The following LRP1B variants were observed in gnomAD, a reference collection of about 807,000 sequenced individuals.
The protein encoded by LRP1B is low-density lipoprotein receptor-related protein 1B.
A neutral mutation model predicts 556.6 loss-of-function variants in LRP1B; 217 were observed. The observed-to-expected ratio is 0.39, with a 90% CI of 0.35 to 0.44. LRP1B has a LOEUF of 0.44. Among genes scored for constraint, LRP1B ranks in the 20% least tolerant of loss-of-function variants. The pLI is 1.00. For synonymous variants in LRP1B, 2,047 were observed against 1,865.8 expected (o/e 1.10, Z -2.50); for missense variants, 5,053 against 5,620.8 (o/e 0.90, Z 3.23).
chr2:141,091,783 G>T (rs537950957), intron 7 of LRP1B, among the ~76,000 whole-genome samples: 33 of 152,298 alleles, frequency 2.2e-4, no homozygotes, highest in Non-Finnish European at 4.1e-4. Flanking sequence ...ACAAATGTCA[G>T]ACAATAAACA....
At chr2:140,503,266 G>A (rs1233706125) in intron 53 of LRP1B, among the ~76,000 whole-genome samples, 163 bp from the exon 54 acceptor site, 1 of 152,042 alleles carries the variant, frequency 6.6e-6, no homozygotes, top group Non-Finnish European at 1.5e-5. Flanking sequence ...TGCAAGAGAT[G>A]TTTGTGGTTT....
At chr2:140,261,383 A>G (rs1424748460) in intron 86 of LRP1B, among the ~76,000 whole-genome samples, 2 of 152,024 alleles carry the variant, frequency 1.3e-5, no homozygotes, top group Non-Finnish European at 2.9e-5. Context: ...TAACTTGCCC[A>G]AAGAGACAGT....
intron 86 of LRP1B, among the ~76,000 whole-genome samples, chr2:140,263,799 T>C (rs1044100120): frequency 1.1e-5 from 1 of 89,328 alleles, no homozygotes. Context: ...TTCAAAGTAA[T>C]TGAGGCCTTT....
intron 1 of LRP1B, among the ~76,000 whole-genome samples, chr2:141,861,125 C>T (rs1400525443): frequency 2.6e-5 from 4 of 152,164 alleles, no homozygotes; most frequent in Middle Eastern, 3.4e-3. Flanking sequence ...AAACTAGAAA[C>T]TTTTTTCTCC....
At chr2:141,090,117 T>C (rs1001451693) in intron 7 of LRP1B, among the ~76,000 whole-genome samples, 14 of 152,186 alleles carry the variant, frequency 9.2e-5, no homozygotes, top group African/African-American at 2.9e-4. Flanking sequence ...ATTTGTAATG[T>C]TGGCCAAGAA....
In LRP1B at chr2:141,055,096, G is replaced by A. The variant is rs553828404; in HGVS notation, c.1552+20C>T. 1.2e-6 allele frequency: 2 copies of A among 1,610,602 alleles called. No individual in the cohort carries two copies. The highest frequency in any genetic ancestry group is 1.7e-6 in the Non-Finnish European group (2 of 1,178,154). Reference sequence around the variant, plus strand: ...TCTAAAGGGGTAGCTGCTGGCAAATGTTTTATTTTAACAACATACTTTTGC... The same window carrying A: ...TCTAAAGGGGTAGCTGCTGGCAAATATTTTATTTTAACAACATACTTTTGC... On this transcript the variant is annotated intron_variant, in intron 10 of 90. Coordinates refer to ENST00000389484, the MANE Select transcript of LRP1B (RefSeq NM_018557.3).
intron 1 of LRP1B, among the ~76,000 whole-genome samples, chr2:142,025,812 T>C (rs1703483938): frequency 6.6e-6 from 1 of 152,150 alleles, no homozygotes; most frequent in Non-Finnish European, 1.5e-5. Context: ...CTAAATAGGA[T>C]AAAGCTTTAT....
chr2:141,998,465 C>T lies in LRP1B; in HGVS notation c.82+132183G>A, dbSNP rs552955516. On this transcript the variant is annotated intron_variant, in intron 1 of 90. Transcript: ENST00000389484. ...AAAATCATTATCAATTTAAGTTCTC[C>T]GGTTGATTAAGAATCTTAAAAGAGG... 3.1e-4 allele frequency among the ~76,000 whole-genome samples: 47 copies of T among 151,870 alleles called. 1 individual carries two copies. Among genetic ancestry groups the T allele is most frequent in the South Asian group, 6.3e-4 (3 of 4,798 alleles).
chr2:141,434,356 G>A (rs991656084), intron 3 of LRP1B, among the ~76,000 whole-genome samples: 1 of 151,930 alleles, frequency 6.6e-6, no homozygotes, highest in Non-Finnish European at 1.5e-5. Context: ...TTTTCTGCCA[G>A]CTCAAATCTA....
chr2:140,618,678 T>C (rs1190289223), intron 41 of LRP1B, among the ~76,000 whole-genome samples: 1 of 152,130 alleles, frequency 6.6e-6, no homozygotes, highest in African/African-American at 2.4e-5. Context: ...AGCAGTTTAT[T>C]TTCTAAACAA....
intron 2 of LRP1B, among the ~76,000 whole-genome samples, chr2:141,754,298 TAAC>T (rs996972424): frequency 2.0e-5 from 3 of 152,124 alleles, no homozygotes; most frequent in African/African-American, 7.2e-5. Context: ...AATTGAGAGT[TAAC>T]AAGGCACTAT....
intron 1 of LRP1B, among the ~76,000 whole-genome samples, chr2:142,085,571 T>C (rs1369821615): frequency 6.6e-6 from 1 of 152,216 alleles, no homozygotes; most frequent in Non-Finnish European, 1.5e-5. Context: ...TCTTATACTA[T>C]GAATTTACAT....
chr2:141,537,349 A>G (rs1337326880), intron 2 of LRP1B, among the ~76,000 whole-genome samples: 3 of 152,120 alleles, frequency 2.0e-5, no homozygotes, highest in Non-Finnish European at 4.4e-5. Context: ...ATTTATTTGA[A>G]GCTATGCAAG....
chr2:140,375,306 A>G (rs1683179085), intron 68 of LRP1B, among the ~76,000 whole-genome samples: 1 of 151,440 alleles, frequency 6.6e-6, no homozygotes, highest in Non-Finnish European at 1.5e-5. Context: ...CACTTTGTAC[A>G]CTCTCTTAAT....
chr2:141,064,811 A>G (rs550312507), intron 7 of LRP1B, among the ~76,000 whole-genome samples: 1 of 152,074 alleles, frequency 6.6e-6, no homozygotes, highest in South Asian at 2.1e-4. Flanking sequence ...ATTGGTAAAC[A>G]CAAGCTAACA....
intron 2 of LRP1B, among the ~76,000 whole-genome samples, chr2:141,663,775 A>G (rs758126557): frequency 8.5e-5 from 13 of 152,136 alleles, no homozygotes; most frequent in Non-Finnish European, 1.6e-4. Flanking sequence ...AGGAGTTGGT[A>G]CCATTTCTTC....
At chr2:141,820,621 G>A (rs1228551694) in intron 1 of LRP1B, among the ~76,000 whole-genome samples, 1 of 152,060 alleles carries the variant, frequency 6.6e-6, no homozygotes, top group African/African-American at 2.4e-5. Flanking sequence ...AATAATTTTT[G>A]TTGTCATGCT....
chr2:141,340,266 A>T (rs1688009345), intron 3 of LRP1B, among the ~76,000 whole-genome samples: 1 of 152,226 alleles, frequency 6.6e-6, no homozygotes, highest in Non-Finnish European at 1.5e-5. Flanking sequence ...AGCCAATTTT[A>T]TTACAAGCCT....
intron 1 of LRP1B, among the ~76,000 whole-genome samples, chr2:141,987,266 T>C (rs1702217594): frequency 6.6e-6 from 1 of 152,052 alleles, no homozygotes. Flanking sequence ...ACTTGGCTAA[T>C]TGATATGTAT....
Sources: gnomAD v4.1 joint callset for allele counts (sites outside exome capture counted in the v4.1 genomes callset) on GRCh38, gnomAD v4.1.1 for gene constraint, MANE v1.5 for transcripts, NCBI Gene and HGNC (gene_info 2026-07-23, HGNC 2026-07-21) for gene names.